Variants in WDR12 observed in about 807,000 individuals in gnomAD.
The protein encoded by WDR12 is ribosome biogenesis protein WDR12.
WDR12 carries 42 observed loss-of-function variants against 64.3 expected under a neutral mutation model. The observed-to-expected ratio is 0.65, with a 90% CI of 0.51 to 0.84. The LOEUF (loss-of-function observed/expected upper bound fraction) is 0.84, where lower values mean the gene tolerates loss of function less well. Ranked by LOEUF, WDR12 falls within the 40% of genes least tolerant of loss-of-function variation. The pLI is 0.00. For synonymous variants in WDR12, 158 were observed against 173.3 expected (o/e 0.91, Z 0.70); for missense variants, 469 against 494.6 (o/e 0.95, Z 0.49).
intron 7 of WDR12, 94 bp from the exon 8 acceptor site, chr2:202,892,796 C>T: frequency 1.2e-6 from 1 of 806,222 alleles, no homozygotes; most frequent in South Asian, 2.1e-5. Context: ...ATAGTTTTTC[C>T]ACGTTATCAC....
rs73056705 is a variant in WDR12, at chr2:202,888,198, G to A, written c.742-3663C>T. ...GCTTTATGCTAAGTGAAAAGGGCCC[G>A]ATACAAAAAGCTATATACACTATAC... On this transcript the variant is annotated intron_variant, in intron 8 of 12. Coordinates refer to ENST00000261015, the MANE Select transcript of WDR12 (RefSeq NM_018256.4). Among the ~76,000 whole-genome samples the A allele has an allele frequency of 6.1e-3, 930 of 152,172 alleles. 12 individuals are homozygous for A. Among genetic ancestry groups the A allele is most frequent in the African/African-American group, 0.02 (832 of 41,530 alleles).
At chr2:202,897,233 C>A (rs1688260639) in intron 5 of WDR12, 67 bp downstream of exon 5, 3 of 1,103,034 alleles carry the variant, frequency 2.7e-6, no homozygotes, top group Middle Eastern at 2.0e-4. Flanking sequence ...TCTTCCCCAG[C>A]ACCAAAAATG....
At chr2:202,907,830 G>A (rs1354589764) in intron 2 of WDR12, 35 bp downstream of exon 2, 1 of 1,514,218 alleles carries the variant, frequency 6.6e-7, no homozygotes, top group Non-Finnish European at 9.2e-7. Flanking sequence ...GAATAATTAG[G>A]GACACTGTGC....
chr2:202,907,137 CG>C (rs1444919830), intron 2 of WDR12, among the ~76,000 whole-genome samples: 1 of 151,896 alleles, frequency 6.6e-6, no homozygotes, highest in Non-Finnish European at 1.5e-5. Context: ...TTAGTAGAGA[CG>C]GGGTTTCACC....
At chr2:202,897,508 ATACTTT>A in intron 4 of WDR12, 93 bp from the exon 5 acceptor site, 2 of 616,346 alleles carry the variant, frequency 3.2e-6, no homozygotes, top group South Asian at 5.3e-5. Flanking sequence ...TTTGAGGATT[ATACTTT>A]TAAACTCTTT....
chr2:202,901,763 G>T (rs1337175652), intron 2 of WDR12, among the ~76,000 whole-genome samples: 1 of 152,072 alleles, frequency 6.6e-6, no homozygotes, highest in African/African-American at 2.4e-5. Context: ...CATCTCCAAG[G>T]TGTCCTTTAA....
chr2:202,904,689 T>TA (rs1285998192), intron 2 of WDR12, among the ~76,000 whole-genome samples: 1 of 152,202 alleles, frequency 6.6e-6, no homozygotes, highest in Non-Finnish European at 1.5e-5. Flanking sequence ...ATTAAAGACT[T>TA]AAATATTTGT....
At chr2:202,883,407 A>ATTAC (rs564730488) in intron 11 of WDR12, 210 of 497,584 alleles carry the variant, frequency 4.2e-4, no homozygotes, top group African/African-American at 4.0e-3. Context: ...AAGTGCTGGG[A>ATTAC]TTACAGGTGT....
At chr2:202,897,806 G>A (rs1196277862) in intron 4 of WDR12, among the ~76,000 whole-genome samples, 1 of 145,950 alleles carries the variant, frequency 6.9e-6, no homozygotes, top group Non-Finnish European at 1.5e-5. Context: ...GGAGAATGGC[G>A]TGAACCCAGG....
intron 3 of WDR12, among the ~76,000 whole-genome samples, chr2:202,900,013 G>C (rs1210369390): frequency 6.6e-6 from 1 of 152,038 alleles, no homozygotes; most frequent in African/African-American, 2.4e-5. Context: ...AACTTATGCT[G>C]CAAATGGGGG....
Position 202,907,901 on chromosome 2 carries a change from T to C in WDR12, c.100A>G (p.Ser34Gly), listed in dbSNP as rs759366688. ...IPAASEIADL[S>G]NIINKLLKDK... ...TTTAGTAGTTTATTGATGATGTTAC[T>C]AAGGTCGGCAATTTCAGAGGCAGCA... The change falls in exon 2 of 13, where the codon AGT becomes GGT. Residue 34 changes from serine (S) to glycine (G), a missense_variant. Ser to Gly is a moderately conservative substitution (Grantham distance 56). Coordinates refer to ENST00000261015, the MANE Select transcript of WDR12 (RefSeq NM_018256.4). 16 of 1,613,966 alleles carry C rather than the reference T, an allele frequency of 9.9e-6. No individual in the cohort carries two copies. In the African/African-American group the frequency reaches 2.0e-4, roughly 20 times the overall value.
In WDR12 at chr2:202,877,119, T is replaced by C. The variant is rs948280949; in HGVS notation, c.*3741A>G. 10 of 151,710 alleles carry C rather than the reference T, an allele frequency of 6.6e-5. No individual in the cohort carries two copies. Among genetic ancestry groups the C allele is most frequent in the Non-Finnish European group, 1.3e-4 (9 of 67,940 alleles). 9.4% of individuals were successfully genotyped at this position (151,710 alleles called of 1,614,324 possible). A position where few individuals can be genotyped will look rare whatever the true frequency, so the allele number is the denominator to read the frequency against. ...GATGGTATATATATATATATATTTT[T>C]TTTTTTGCAGGGTTGCTTGTTCCAT... On this transcript the variant is annotated 3_prime_UTR_variant, in exon 13 of 13. Coordinates refer to ENST00000261015, the MANE Select transcript of WDR12 (RefSeq NM_018256.4).
At chr2:202,907,775 A>G (rs1443174228) in intron 2 of WDR12, 90 bp downstream of exon 2, 2 of 976,470 alleles carry the variant, frequency 2.0e-6, no homozygotes, top group Non-Finnish European at 3.1e-6. Flanking sequence ...AAATTCATAC[A>G]GTATCATAAG....
chr2:202,881,107 C>T (rs1340923372), intron 12 of WDR12, among the ~76,000 whole-genome samples, 170 bp from the exon 13 acceptor site: 1 of 152,204 alleles, frequency 6.6e-6, no homozygotes, highest in African/African-American at 2.4e-5. Context: ...CACTACTATA[C>T]TATGATACAG....
At chr2:202,889,395 A>G (rs1263103255) in intron 8 of WDR12, among the ~76,000 whole-genome samples, 1 of 152,212 alleles carries the variant, frequency 6.6e-6, no homozygotes, top group East Asian at 1.9e-4. Context: ...TAAGTAAAAT[A>G]GAGCCAACAC....
At chr2:202,883,503 G>A in intron 11 of WDR12, 106 bp downstream of exon 11, 2 of 1,331,180 alleles carry the variant, frequency 1.5e-6, no homozygotes, top group Non-Finnish European at 2.0e-6. Flanking sequence ...GCAAAACCAT[G>A]AGGCTTTTTT....
At chr2:202,895,892 A>G in intron 6 of WDR12, 173 bp downstream of exon 6, 2 of 678,790 alleles carry the variant, frequency 2.9e-6, no homozygotes, top group Non-Finnish European at 4.7e-6. Flanking sequence ...ATTCAAACTG[A>G]GCAAGTGACT....
chr2:202,904,138 C>CAAAAAAAAAAAAAAAAAAAAAAAAAGAAA (rs1688408374), intron 2 of WDR12, among the ~76,000 whole-genome samples: 2 of 38,534 alleles, frequency 5.2e-5, no homozygotes, highest in Non-Finnish European at 8.2e-5. Context: ...AACTCTGTCT[C>CAAAAAAAAAAAAAAAAAAAAAAAAAGAAA]AAAAAAAAAA....
chr2:202,900,919 G>A, intron 3 of WDR12, 106 bp downstream of exon 3: 1 of 842,152 alleles, frequency 1.2e-6, no homozygotes, highest in South Asian at 2.3e-5. Flanking sequence ...ATATTAAAAA[G>A]AATCTTTGCT....
Sources: gnomAD v4.1 joint callset for allele counts (sites outside exome capture counted in the v4.1 genomes callset) on GRCh38, gnomAD v4.1.1 for gene constraint, MANE v1.5 for transcripts, NCBI Gene and HGNC (gene_info 2026-07-23, HGNC 2026-07-21) for gene names.